The following PPIG variants were observed in gnomAD, a reference collection of about 807,000 sequenced individuals.
PPIG encodes the protein peptidyl-prolyl cis-trans isomerase G.
Under a neutral mutation model 87.9 loss-of-function variants are expected in PPIG, and 26 were observed. The observed-to-expected ratio is 0.30, with a 90% confidence interval of 0.22 to 0.41. The LOEUF (loss-of-function observed/expected upper bound fraction) is 0.41, where lower values mean the gene tolerates loss of function less well. Ranked by LOEUF, PPIG falls within the 10% of genes least tolerant of loss-of-function variation. The pLI, the probability that PPIG is intolerant of heterozygous loss-of-function variation, is 1.00. For missense variants in PPIG, 722 were observed against 879.4 expected (o/e 0.82, Z 2.26); for synonymous variants, 308 against 276.5 (o/e 1.11, Z -1.13).
At chr2:169,611,919 G>A (rs1416931047) in intron 7 of PPIG, among the ~76,000 whole-genome samples, 5 of 152,052 alleles carry the variant, frequency 3.3e-5, no homozygotes, top group Non-Finnish European at 5.9e-5. Flanking sequence ...ATAACATATA[G>A]AAGATTTGCC....
rs1414447883 is a variant in PPIG, at chr2:169,638,386, G to A, written c.*863G>A. On this transcript the variant is annotated 3_prime_UTR_variant, in exon 14 of 14. Transcript: ENST00000260970. ...TCATTAAAACATACCATTTGTGCAG[G>A]TCCTTAAGCTATACAGATTCTAAAA... The A allele has an allele frequency of 6.6e-6, 1 of 151,344 alleles. No individual in the cohort carries two copies. Among genetic ancestry groups the A allele is most frequent in the Non-Finnish European group, 1.5e-5 (1 of 67,802 alleles). The allele number at this position is 151,344 out of a possible 1,614,324, so 9.4% of individuals were successfully genotyped here.
At chr2:169,621,957 A>G (rs976973400) in intron 9 of PPIG, among the ~76,000 whole-genome samples, 2 of 150,492 alleles carry the variant, frequency 1.3e-5, no homozygotes, top group Non-Finnish European at 3.0e-5. Flanking sequence ...TTTTTAATTA[A>G]CCATGTGTAG....
At chr2:169,606,861 A>T (rs1416687139) in intron 5 of PPIG, among the ~76,000 whole-genome samples, 1 of 152,152 alleles carries the variant, frequency 6.6e-6, no homozygotes, top group Non-Finnish European at 1.5e-5. Context: ...TTAGAATCTG[A>T]AAGTTCTTTT....
chr2:169,587,302 C>T (rs1163503953), intron 1 of PPIG, among the ~76,000 whole-genome samples: 4 of 151,212 alleles, frequency 2.6e-5, no homozygotes, highest in East Asian at 1.9e-4. Flanking sequence ...AGTGCAGTGG[C>T]GTGATCTCGG....
At chr2:169,624,549 C>T (rs1008086164) in intron 9 of PPIG, among the ~76,000 whole-genome samples, 2 of 151,930 alleles carry the variant, frequency 1.3e-5, no homozygotes, top group Non-Finnish European at 1.5e-5. Context: ...TTAAAAGAAA[C>T]GCTGAAATCA....
At chr2:169,591,848 A>G (rs1684871098) in intron 1 of PPIG, among the ~76,000 whole-genome samples, 1 of 151,906 alleles carries the variant, frequency 6.6e-6, no homozygotes, top group Admixed American at 6.6e-5. Flanking sequence ...AATTTGCAGC[A>G]AACAAATCAC....
At chr2:169,584,721 G>A in intron 1 of PPIG, 1 of 316,462 alleles carries the variant, frequency 3.2e-6, no homozygotes, top group Non-Finnish European at 6.0e-6. Flanking sequence ...CGAGCCCCGG[G>A]GCCTGGGGAC....
Position 169,584,407 on chromosome 2 carries a change from G to A in PPIG, c.-153G>A. ...TGTGGGGGAGGGAGGCGGTTAGCGG[G>A]CTTTAGCGCCTTTTCTGGCGGCGGT... On this transcript the variant is annotated 5_prime_UTR_variant, in exon 1 of 14. Transcript: ENST00000260970. The A allele has an allele frequency of 2.1e-6, 1 of 471,134 alleles. No homozygotes were observed. The highest frequency in any genetic ancestry group is 1.5e-5 in the South Asian group (1 of 64,568). 29.2% of individuals were successfully genotyped at this position (471,134 alleles called of 1,614,324 possible).
chr2:169,633,615 T>C (rs1686113644), intron 12 of PPIG: 1 of 270,652 alleles, frequency 3.7e-6, no homozygotes, highest in East Asian at 7.8e-5. Context: ...AATTTAAATA[T>C]CTTGTGCTTT....
intron 5 of PPIG, 47 bp from the exon 6 acceptor site, chr2:169,607,056 CT>C: frequency 8.0e-7 from 1 of 1,251,476 alleles, no homozygotes; most frequent in Non-Finnish European, 1.1e-6. Context: ...TAGGTATCAC[CT>C]TTGAGGAGCT....
intron 1 of PPIG, among the ~76,000 whole-genome samples, chr2:169,602,831 T>G (rs1266891972): frequency 6.6e-6 from 1 of 152,144 alleles, no homozygotes; most frequent in Non-Finnish European, 1.5e-5. Context: ...GAAGAGGCAG[T>G]ACAGAATTAA....
intron 1 of PPIG, among the ~76,000 whole-genome samples, chr2:169,587,833 A>G (rs577114615): frequency 3.9e-5 from 6 of 152,120 alleles, no homozygotes; most frequent in East Asian, 1.9e-4. Flanking sequence ...ATAAACACCA[A>G]TCTTTTATAT....
At position 169,606,375 on chromosome 2, in the gene PPIG, C is replaced by T. The variant is rs917614645; in HGVS notation, c.244+229C>T. On this transcript the variant is annotated intron_variant, in intron 5 of 13. Transcript: ENST00000260970. ...TTGGGAGGCCGAGGTGGGCGGATCA[C>T]GAGGTCAGTAGTTCGAGACCAGCCT... Among the ~76,000 whole-genome samples, 4 of 151,782 alleles carry T rather than the reference C, an allele frequency of 2.6e-5. No individual in the cohort carries two copies. In the East Asian group the frequency reaches 5.8e-4, roughly 22 times the overall value.
Position 169,637,257 on chromosome 2 carries a change from A to G in PPIG, c.1999A>G (p.Lys667Glu), listed in dbSNP as rs753875855. 3 of 1,613,194 alleles carry G rather than the reference A, an allele frequency of 1.9e-6. No homozygotes were observed. Among genetic ancestry groups the G allele is most frequent in the South Asian group, 1.1e-5 (1 of 90,914 alleles). ...TGAGAGTGAGAAAAGAATGTACTCTAAAAGTCGTGATCATAATAGCTCAAA... is the reference window on the plus strand; with the variant it reads ...TGAGAGTGAGAAAAGAATGTACTCTGAAAGTCGTGATCATAATAGCTCAAA... ...NSESEKRMYS[K>E]SRDHNSSNNS... Residue 667 changes from lysine to glutamate, a missense_variant, in exon 14 of 14, where the codon AAA (lysine) becomes GAA (glutamate). Lys to Glu is a moderately conservative substitution (Grantham distance 56). This residue lies in a region of PPIG where 476 missense variants were observed against 483.1 expected (regional missense o/e 0.99). Transcript: ENST00000260970.
intron 10 of PPIG, 53 bp from the exon 11 acceptor site, chr2:169,631,713 G>GT: frequency 1.9e-6 from 3 of 1,610,828 alleles, no homozygotes; most frequent in Admixed American, 1.7e-5. Flanking sequence ...GGATACTTCC[G>GT]TAAGGACATA....
In PPIG at chr2:169,636,099, G is replaced by A. The variant is rs1163209527; in HGVS notation, c.1025G>A (p.Arg342Gln). The stretch of plus-strand genomic sequence containing the variant: ...TATTTTAATTTTCTTTAGCGTTATC[G>A]AACTCCTTCCAGATCCAGATCAAGG... ...KIKGRGPRRY[R>Q]TPSRSRSRDR... Residue 342 changes from arginine (R) to glutamine (Q), a missense_variant, in exon 13 of 14, where the codon CGA (arginine) becomes CAA (glutamine). Physicochemically the swap from Arg to Gln is conservative, Grantham distance 43 (BLOSUM62 1). This residue lies in a region of PPIG where 476 missense variants were observed against 483.1 expected (regional missense o/e 0.99). Coordinates refer to ENST00000260970, the MANE Select transcript of PPIG (RefSeq NM_004792.3). The A allele has an allele frequency of 2.1e-5, 33 of 1,596,050 alleles. No individual in the cohort carries two copies. The highest frequency in any genetic ancestry group is 2.5e-5 in the Non-Finnish European group (29 of 1,173,538).
intron 4 of PPIG, among the ~76,000 whole-genome samples, chr2:169,605,232 G>A (rs1345633348): frequency 6.6e-6 from 1 of 152,170 alleles, no homozygotes. Context: ...TACTCGGGAG[G>A]CTCAGACAGG....
intron 9 of PPIG, among the ~76,000 whole-genome samples, chr2:169,622,207 G>C (rs1442367636): frequency 6.6e-6 from 1 of 152,174 alleles, no homozygotes; most frequent in Non-Finnish European, 1.5e-5. Context: ...GATCACTTGA[G>C]GTCAGGAGGT....
chr2:169,593,673 A>T (rs1319322828), intron 1 of PPIG, among the ~76,000 whole-genome samples: 1 of 99,504 alleles, frequency 1.0e-5, no homozygotes, highest in Non-Finnish European at 2.0e-5. Flanking sequence ...TTTTTTTGAG[A>T]CGGAGTCTCA....
Sources: gnomAD v4.1 joint callset for allele counts (sites outside exome capture counted in the v4.1 genomes callset) on GRCh38, gnomAD v4.1.1 for gene constraint, gnomAD v4.1.1 regional missense constraint, MANE v1.5 for transcripts, NCBI Gene and HGNC (gene_info 2026-07-23, HGNC 2026-07-21) for gene names.